SOX5: variants seen among roughly 807,000 people sequenced by gnomAD.
The protein encoded by SOX5 is SRY-box transcription factor 5, also known as transcription factor SOX-5.
SOX5 carries 9 observed loss-of-function variants against 92.0 expected under a neutral mutation model. The ratio of observed to expected loss-of-function variants is 0.10; its 90% CI spans 0.06 to 0.17. The LOEUF (loss-of-function observed/expected upper bound fraction) is 0.17. Among genes scored for constraint, SOX5 ranks in the 10% least tolerant of loss-of-function variants. The probability of loss-of-function intolerance (pLI) is 1.00; values close to 1 mark genes in which losing one functional copy is unlikely to be tolerated. For missense variants in SOX5, 642 were observed against 944.5 expected, an observed-to-expected ratio of 0.68 and a Z score of 4.20; for synonymous variants, 344 against 336.3, an observed-to-expected ratio of 1.02 and a Z score of -0.25.
At chr12:24,391,331 A>T (rs1032292309) in intron 1 of SOX5, among the ~76,000 whole-genome samples, 4 of 152,158 alleles carry the variant, frequency 2.6e-5, no homozygotes, top group Non-Finnish European at 2.9e-5. Context: ...TGTTTTGACC[A>T]ACTTAGATCC....
At chr12:24,286,884 C>A (rs1945931513) in intron 2 of SOX5, among the ~76,000 whole-genome samples, 1 of 152,156 alleles carries the variant, frequency 6.6e-6, no homozygotes, top group African/African-American at 2.4e-5. Context: ...ACAATTAACC[C>A]ATTTATGCCT....
rs1269140647 is a variant in SOX5 at position 24,505,854 on chromosome 12, C to CGCGT, written c.-251+56474_-251+56475insACGC. Among the ~76,000 whole-genome samples, 16 of 91,282 alleles carry CGCGT rather than the reference C, an allele frequency of 1.8e-4. No homozygotes were observed. In the East Asian group the frequency reaches 2.5e-3, roughly 14 times the overall value. 59.9% of individuals were successfully genotyped at this position (91,282 alleles called of 152,430 possible). On this transcript the variant is annotated intron_variant, in intron 1 of 4. Transcript: ENST00000446891. ...ATGTGTGTGTGTGTGTGTGTGTGTG[C>CGCGT]GTGTGTGTGTGTGTGTGTGCGCATC...
At chr12:23,811,144 A>T (rs2095869054) in intron 3 of SOX5, among the ~76,000 whole-genome samples, 5 of 152,196 alleles carry the variant, frequency 3.3e-5, no homozygotes. Flanking sequence ...AAGCAAAATC[A>T]GTCTGAAAGC....
chr12:23,616,453 T>C (rs1194023170), intron 8 of SOX5, among the ~76,000 whole-genome samples: 3 of 152,094 alleles, frequency 2.0e-5, no homozygotes, highest in African/African-American at 7.2e-5. Flanking sequence ...TAATTTCCAG[T>C]CTGGAGTCCC....
chr12:24,205,536 T>C (rs1368870847), intron 4 of SOX5, among the ~76,000 whole-genome samples: 1 of 152,200 alleles, frequency 6.6e-6, no homozygotes, highest in Non-Finnish European at 1.5e-5. Flanking sequence ...TTGAGTGGAA[T>C]GTGAACTGAT....
chr12:23,779,788 A>ATATAT (rs2095224302), intron 3 of SOX5, among the ~76,000 whole-genome samples: 1 of 110,564 alleles, frequency 9.0e-6, no homozygotes, highest in East Asian at 2.9e-4. Context: ...CACAGATTAA[A>ATATAT]ATATATATAT....
At chr12:24,306,728 C>G (rs1389269167) in intron 2 of SOX5, among the ~76,000 whole-genome samples, 3 of 152,134 alleles carry the variant, frequency 2.0e-5, no homozygotes, top group Non-Finnish European at 4.4e-5. Flanking sequence ...GCAAAAACAT[C>G]CTTTTGGAGA....
At chr12:23,928,923 A>T (rs1312641740) in intron 1 of SOX5, among the ~76,000 whole-genome samples, 6 of 151,924 alleles carry the variant, frequency 3.9e-5, no homozygotes, top group Non-Finnish European at 8.8e-5. Context: ...CTGTCAATTC[A>T]TTATCAATTA....
intron 3 of SOX5, among the ~76,000 whole-genome samples, chr12:23,806,391 T>C (rs986218825): frequency 6.6e-6 from 1 of 152,126 alleles, no homozygotes; most frequent in African/African-American, 2.4e-5. Flanking sequence ...ATGGGAGGAC[T>C]AGCTTTGGCT....
At chr12:24,389,318 G>A (rs1196396209) in intron 1 of SOX5, among the ~76,000 whole-genome samples, 3 of 152,126 alleles carry the variant, frequency 2.0e-5, no homozygotes, top group Non-Finnish European at 4.4e-5. Flanking sequence ...AGTATTCCAT[G>A]GTGTATATGT....
intron 4 of SOX5, among the ~76,000 whole-genome samples, chr12:24,015,689 A>G (rs905746319): frequency 1.3e-5 from 2 of 152,180 alleles, no homozygotes; most frequent in African/African-American, 4.8e-5. Context: ...GTAATTTACA[A>G]TACAATGCAA....
intron 1 of SOX5, among the ~76,000 whole-genome samples, chr12:24,443,690 C>A (rs1176692725): frequency 6.6e-6 from 1 of 152,186 alleles, no homozygotes; most frequent in Non-Finnish European, 1.5e-5. Flanking sequence ...AGGATAATAT[C>A]TCCTGGCAGG....
At chr12:23,811,975 C>T (rs2142438157) in intron 3 of SOX5, among the ~76,000 whole-genome samples, 1 of 152,102 alleles carries the variant, frequency 6.6e-6, no homozygotes, top group Admixed American at 6.6e-5. Context: ...CTTAGTTTTG[C>T]TCATTAACTT....
chr12:24,406,298 G>A (rs1175089352), intron 1 of SOX5, among the ~76,000 whole-genome samples: 1 of 152,150 alleles, frequency 6.6e-6, no homozygotes, highest in Non-Finnish European at 1.5e-5. Context: ...TGAAGGAGAA[G>A]CCCTGCCCAA....
chr12:24,107,270 T>C (rs1946798558), intron 4 of SOX5, among the ~76,000 whole-genome samples: 1 of 152,204 alleles, frequency 6.6e-6, no homozygotes, highest in South Asian at 2.1e-4. Context: ...TTCTTATTTT[T>C]ACCATGCATG....
At chr12:23,629,332 T>C (rs989846970) in intron 8 of SOX5, among the ~76,000 whole-genome samples, 3 of 152,046 alleles carry the variant, frequency 2.0e-5, no homozygotes, top group Non-Finnish European at 4.4e-5. Context: ...AAATAACATA[T>C]ACAAATATAT....
intron 9 of SOX5, among the ~76,000 whole-genome samples, chr12:23,586,265 C>T (rs1447982024): frequency 6.6e-6 from 1 of 152,072 alleles, no homozygotes. Flanking sequence ...TGCCATCTAC[C>T]CCTGTCTCTT....
intron 9 of SOX5, among the ~76,000 whole-genome samples, chr12:23,585,188 C>A (rs1273611816): frequency 6.6e-6 from 1 of 152,140 alleles, no homozygotes; most frequent in East Asian, 1.9e-4. Flanking sequence ...GGAACATATG[C>A]ACTACCAAAA....
rs546812352 is a variant in SOX5 at position 24,038,592 on chromosome 12, A to G, written c.-1-142568T>C. ...TACTTAGCTTAGCATTTTTTTTTTC[A>G]AGAGTGAAAAGTGGTCCACGTAGAG... On this transcript the variant is annotated intron_variant, in intron 4 of 4. Coordinates refer to the SOX5 transcript ENST00000446891. Among the ~76,000 whole-genome samples, 3 of 152,042 alleles carry G rather than the reference A, an allele frequency of 2.0e-5. No homozygotes were observed. In the East Asian group the frequency reaches 5.8e-4, roughly 29 times the overall value.
Sources: allele counts gnomAD v4.1 joint callset (sites outside exome capture counted in the v4.1 genomes callset), GRCh38; gene constraint gnomAD v4.1.1; transcripts MANE v1.5; gene names NCBI Gene and HGNC (gene_info 2026-07-23, HGNC 2026-07-21).